Variants in FRMPD1 observed in about 807,000 individuals in gnomAD.
FRMPD1 encodes FERM and PDZ domain containing 1, also known as FERM and PDZ domain-containing protein 1.
Under a neutral mutation model 117.8 loss-of-function variants are expected in FRMPD1, and 76 were observed. That is an observed-to-expected ratio of 0.65 (90% confidence interval 0.54 to 0.78). FRMPD1 has a LOEUF of 0.78. FRMPD1 is among the 30% of genes least tolerant of loss of function. FRMPD1 has a pLI of 0.00. For missense variants in FRMPD1, 1,786 were observed against 1,964.5 expected, an observed-to-expected ratio of 0.91 and a Z score of 1.72; for synonymous variants, 783 against 770.4, an observed-to-expected ratio of 1.02 and a Z score of -0.27.
At chr9:37,734,353 C>T (rs780096303) in intron 12 of FRMPD1, among the ~76,000 whole-genome samples, 1 of 152,078 alleles carries the variant, frequency 6.6e-6, no homozygotes, top group Non-Finnish European at 1.5e-5. Flanking sequence ...GTTTGACTGC[C>T]AAGCTGAGTC....
chr9:37,647,062 T>C (rs949042584), upstream of FRMPD1, among the ~76,000 whole-genome samples: 5 of 151,964 alleles, frequency 3.3e-5, no homozygotes, highest in Non-Finnish European at 7.4e-5. Flanking sequence ...ATGGTGTCAC[T>C]AAAAAAAGGA....
chr9:37,716,798 C>G (rs543048033), intron 5 of FRMPD1, among the ~76,000 whole-genome samples: 11 of 152,230 alleles, frequency 7.2e-5, no homozygotes, highest in Admixed American at 5.9e-4. Context: ...GCCTTTGACC[C>G]ATAGCTATCT....
At chr9:37,719,912 A>G (rs1307182792) in intron 6 of FRMPD1, among the ~76,000 whole-genome samples, 1 of 152,070 alleles carries the variant, frequency 6.6e-6, no homozygotes, top group Non-Finnish European at 1.5e-5. Context: ...TAATTTATAC[A>G]TTTTCCCCCA....
chr9:37,707,278 G>A, intron 2 of FRMPD1, 138 bp from the exon 3 acceptor site: 1 of 629,002 alleles, frequency 1.6e-6, no homozygotes, highest in Non-Finnish European at 2.7e-6. Flanking sequence ...AGTGGAGTTG[G>A]TGTCTTATTT....
the FRMPD1 span, among the ~76,000 whole-genome samples, chr9:37,631,516 C>T: frequency 1.3e-5 from 2 of 152,234 alleles, no homozygotes; most frequent in Non-Finnish European, 2.9e-5. Context: ...TAGCAGTAAA[C>T]TCTAAAGCGT....
the FRMPD1 span, among the ~76,000 whole-genome samples, chr9:37,606,881 G>C: frequency 1.3e-5 from 2 of 152,106 alleles, no homozygotes; most frequent in African/African-American, 4.8e-5. Flanking sequence ...GGGAGTCCTT[G>C]GCCCTTCACA....
chr9:37,628,083 C>T, the FRMPD1 span, among the ~76,000 whole-genome samples: 1 of 152,210 alleles, frequency 6.6e-6, no homozygotes. Flanking sequence ...ACTAGTGAGG[C>T]ATGCTGTTTT....
the FRMPD1 span, among the ~76,000 whole-genome samples, chr9:37,610,034 T>G: frequency 3.3e-5 from 5 of 152,242 alleles, no homozygotes; most frequent in Non-Finnish European, 7.3e-5. Flanking sequence ...CGGCCAGCAG[T>G]CGTCATGTTT....
rs769634224 is a variant in FRMPD1, at chr9:37,730,964, A to C, written c.739-20A>C. 1 of 1,613,180 alleles carries C rather than the reference A, an allele frequency of 6.2e-7. No individual in the cohort carries two copies. Among genetic ancestry groups the C allele is most frequent in the South Asian group, 1.1e-5 (1 of 91,042 alleles). The stretch of plus-strand genomic sequence containing the variant: ...CAAAGGCAGTTAGGAGATTAATAGT[A>C]TCTCCCTTACCCATCGCAGGTGGTA... On this transcript the variant is annotated intron_variant, in intron 8 of 15. Coordinates refer to ENST00000377765, the MANE Select transcript of FRMPD1 (RefSeq NM_014907.3).
At chr9:37,627,095 T>C in the FRMPD1 span, among the ~76,000 whole-genome samples, 1 of 27,296 alleles carries the variant, frequency 3.7e-5, no homozygotes, top group East Asian at 3.6e-4. Context: ...GAGCTGTTTC[T>C]TTCAGCTCCC....
chr9:37,631,104 T>G, the FRMPD1 span, among the ~76,000 whole-genome samples: 144,763 of 152,232 alleles, frequency 0.95, 69,263 homozygotes, highest in East Asian at 1. Context: ...CACAGAGGAG[T>G]TGATGTCGCC....
chr9:37,662,663 A>G (rs1821035533), intron 1 of FRMPD1, among the ~76,000 whole-genome samples: 1 of 152,216 alleles, frequency 6.6e-6, no homozygotes. Flanking sequence ...AGGTCTTCCC[A>G]GGTGGCACTA....
At chr9:37,708,547 A>G (rs1227355025) in intron 4 of FRMPD1, 46 bp downstream of exon 4, 3 of 1,125,042 alleles carry the variant, frequency 2.7e-6, no homozygotes, top group Non-Finnish European at 2.7e-6. Flanking sequence ...CAGATTATCA[A>G]AGAACAAAGA....
chr9:37,719,193 G>C lies in FRMPD1; in HGVS notation c.516+17G>C, dbSNP rs772745763. ...CACAGCCAGGTGTGTCACTAGTCAA[G>C]GGATTGAAATTATGAAGCTGGCGAG... On this transcript the variant is annotated intron_variant, in intron 6 of 15. Transcript: ENST00000377765. 1.3e-6 allele frequency: 2 copies of C among 1,496,198 alleles called. No homozygotes were observed. Among genetic ancestry groups the C allele is most frequent in the African/African-American group, 1.4e-5 (1 of 72,788 alleles). The allele number at this position is 1,496,198 out of a possible 1,614,324, so 92.7% of individuals were successfully genotyped here.
chr9:37,645,978 A>C (rs1824133144), upstream of FRMPD1, among the ~76,000 whole-genome samples: 1 of 152,176 alleles, frequency 6.6e-6, no homozygotes, highest in African/African-American at 2.4e-5. Context: ...TAGCTCAGAG[A>C]GGTGAGGCGA....
At chr9:37,625,077 T>G in the FRMPD1 span, among the ~76,000 whole-genome samples, 1 of 152,236 alleles carries the variant, frequency 6.6e-6, no homozygotes, top group Non-Finnish European at 1.5e-5. Context: ...GAGTGAGACA[T>G]CATTAGTAGC....
chr9:37,735,605 T>G lies in FRMPD1; in HGVS notation c.1272T>G (p.Ile424Met). The change falls in exon 13 of 16, where the codon ATT (isoleucine) becomes ATG (methionine). Residue 424 changes from isoleucine to methionine, a missense_variant. By Grantham distance (10) the Ile-to-Met change is conservative. Transcript: ENST00000377765. ...TTCTAGTTGGAGCCAAGTATGGGAT[T>G]AGCCAGGTTATCAATAGCAAACTCA... ...IALLVGAKYGISQVINSKLNI... is the reference protein window; with the variant it reads ...IALLVGAKYGMSQVINSKLNI... 1 of 1,613,938 alleles carries G rather than the reference T, an allele frequency of 6.2e-7. No individual in the cohort carries two copies. The highest frequency in any genetic ancestry group is 8.5e-7 in the Non-Finnish European group (1 of 1,179,792).
At chr9:37,642,368 G>C in the FRMPD1 span, among the ~76,000 whole-genome samples, 1 of 152,138 alleles carries the variant, frequency 6.6e-6, no homozygotes, top group Non-Finnish European at 1.5e-5. Context: ...CTGCCTGGAA[G>C]CTCTATCATC....
intron 1 of FRMPD1, among the ~76,000 whole-genome samples, chr9:37,654,073 A>T (rs1017696624): frequency 2.0e-5 from 3 of 152,238 alleles, no homozygotes; most frequent in Non-Finnish European, 4.4e-5. Flanking sequence ...ATGGTTGTTC[A>T]TAGAACACCT....
Sources: allele counts gnomAD v4.1 joint callset (sites outside exome capture counted in the v4.1 genomes callset), GRCh38; gene constraint gnomAD v4.1.1; transcripts MANE v1.5; gene names NCBI Gene and HGNC (gene_info 2026-07-23, HGNC 2026-07-21).